CDC42: variants seen among roughly 807,000 people sequenced by gnomAD.
CDC42 encodes cell division cycle 42, also known as cell division control protein 42 homolog.
In CDC42, 1 loss-of-function variant was observed where a neutral mutation model predicts 20.8. The ratio of observed to expected loss-of-function variants is 0.05; its 90% CI spans 0.02 to 0.23. The LOEUF (loss-of-function observed/expected upper bound fraction) is 0.23, where lower values mean the gene tolerates loss of function less well. CDC42 is among the 10% of genes least tolerant of loss of function. CDC42 has a pLI of 1.00. For missense variants in CDC42, 49 were observed against 227.9 expected (o/e 0.21, Z 5.05); for synonymous variants, 72 against 84.8 (o/e 0.85, Z 0.83).
At chr1:22,061,524 G>GTTTC (rs199532474) in intron 1 of CDC42, among the ~76,000 whole-genome samples, 1 of 40,652 alleles carries the variant, frequency 2.5e-5, no homozygotes, top group African/African-American at 8.4e-5. Flanking sequence ...TTAACTTCAT[G>GTTTC]TTTCTTTCTT....
In CDC42 at chr1:22,094,034, T is replaced by C. The variant is rs1018564475; in HGVS notation, c.*2517T>C. Among the ~76,000 whole-genome samples, 5 of 152,244 alleles carry C rather than the reference T, an allele frequency of 3.3e-5. No homozygotes were observed. The highest frequency in any genetic ancestry group is 1.2e-4 in the African/African-American group (5 of 41,470). ...AAATATTTTCAGATTGATTTCTGCA[T>C]GTCAGAAGAACTTGGGTAGCAAGTG... On this transcript the variant is annotated 3_prime_UTR_variant, in exon 6 of 6. Coordinates refer to ENST00000656825, the MANE Select transcript of CDC42 (RefSeq NM_001791.4).
At chr1:22,055,530 C>A (rs1569946656) in intron 1 of CDC42, among the ~76,000 whole-genome samples, 1 of 149,726 alleles carries the variant, frequency 6.7e-6, no homozygotes, top group South Asian at 2.1e-4. Context: ...TACTCTGTCG[C>A]CCAGGCTAGA....
chr1:22,095,134 G>A lies in CDC42; in HGVS notation c.*3617G>A, dbSNP rs1388107592. 6.6e-6 allele frequency among the ~76,000 whole-genome samples: 1 copy of A among 152,152 alleles called. No individual in the cohort carries two copies. The highest frequency in any genetic ancestry group is 1.9e-4 in the East Asian group (1 of 5,196). On this transcript the variant is annotated 3_prime_UTR_variant, in exon 6 of 6. Transcript: ENST00000656825. ...AAGGGCTGATGGTTAGGGCATCTCT[G>A]AATGATTATTGGAGGGAAGTGGCTT...
intron 1 of CDC42, among the ~76,000 whole-genome samples, chr1:22,056,289 A>G (rs961446559): frequency 6.6e-6 from 1 of 152,148 alleles, no homozygotes; most frequent in African/African-American, 2.4e-5. Context: ...ATTTGGGCTC[A>G]TTGAAGTAGT....
intron 3 of CDC42, among the ~76,000 whole-genome samples, chr1:22,083,656 C>G (rs369619446): frequency 1.3e-5 from 2 of 152,050 alleles, no homozygotes; most frequent in African/African-American, 4.8e-5. Flanking sequence ...TTTGCTGACC[C>G]TCCACCATAA....
rs1645739178 is a variant in CDC42, at chr1:22,093,997, T to TA, written c.*2482dup. The stretch of plus-strand genomic sequence containing the variant: ...AAGGATGATGGGGATTGATTGAAGC[T>TA]AATGTTTTCTTAAATATTTTCAGAT... On this transcript the variant is annotated 3_prime_UTR_variant, in exon 6 of 6. Transcript: ENST00000656825. Among the ~76,000 whole-genome samples the TA allele has an allele frequency of 6.6e-6, 1 of 152,238 alleles. No homozygotes were observed. The highest frequency in any genetic ancestry group is 2.4e-5 in the African/African-American group (1 of 41,466).
intron 1 of CDC42, among the ~76,000 whole-genome samples, chr1:22,067,350 G>A (rs1645435830): frequency 1.3e-5 from 2 of 151,822 alleles, no homozygotes; most frequent in African/African-American, 4.8e-5. Context: ...TTTTTTGACG[G>A]TCTCACTCTG....
chr1:22,080,217 A>G (rs1426512387), intron 2 of CDC42, among the ~76,000 whole-genome samples: 1 of 152,242 alleles, frequency 6.6e-6, no homozygotes, highest in Non-Finnish European at 1.5e-5. Flanking sequence ...TAATTACACT[A>G]GCATAAGTAG....
intron 1 of CDC42, among the ~76,000 whole-genome samples, chr1:22,065,339 A>G (rs1272778564): frequency 3.3e-5 from 5 of 152,210 alleles, no homozygotes; most frequent in Admixed American, 2.6e-4. Flanking sequence ...CTTGGCTACA[A>G]ATGTGACACT....
intron 2 of CDC42, among the ~76,000 whole-genome samples, chr1:22,079,161 T>C (rs1645582661): frequency 7.0e-6 from 1 of 142,992 alleles, no homozygotes. Context: ...TTTTTTGAGA[T>C]GGAGTCTCTA....
At chr1:22,084,148 C>T (rs1645635418) in intron 3 of CDC42, among the ~76,000 whole-genome samples, 1 of 152,084 alleles carries the variant, frequency 6.6e-6, no homozygotes, top group Non-Finnish European at 1.5e-5. Flanking sequence ...TATACAGATA[C>T]CTTGTTGACA....
chr1:22,082,963 TC>T (rs1157565650), intron 3 of CDC42, among the ~76,000 whole-genome samples: 19 of 147,294 alleles, frequency 1.3e-4, no homozygotes, highest in Admixed American at 1.4e-4. Context: ...CACCGCAACC[TC>T]CGCCTCCCAG....
chr1:22,085,971 A>G (rs1402515287), intron 3 of CDC42, among the ~76,000 whole-genome samples: 7 of 152,034 alleles, frequency 4.6e-5, no homozygotes, highest in Non-Finnish European at 8.8e-5. Flanking sequence ...TCAGCCTTCC[A>G]AGTAGCTGGG....
chr1:22,056,356 C>T (rs1645304766), intron 1 of CDC42, among the ~76,000 whole-genome samples: 2 of 152,340 alleles, frequency 1.3e-5, no homozygotes, highest in South Asian at 4.1e-4. Flanking sequence ...GTATCTTCTG[C>T]AGCTGCACTG....
chr1:22,054,977 G>T (rs1317832736), intron 1 of CDC42, among the ~76,000 whole-genome samples: 2 of 87,028 alleles, frequency 2.3e-5, no homozygotes, highest in Non-Finnish European at 4.1e-5. Flanking sequence ...TTTTTGAGAA[G>T]GAGTCTCGCT....
At chr1:22,070,154 C>G (rs1427265651) in intron 1 of CDC42, among the ~76,000 whole-genome samples, 1 of 152,148 alleles carries the variant, frequency 6.6e-6, no homozygotes, top group Non-Finnish European at 1.5e-5. Context: ...AGTAGAGATT[C>G]CTCTTCAAAG....
At chr1:22,063,964 C>T (rs1645393154) in intron 1 of CDC42, 1 of 152,184 alleles carries the variant, frequency 6.6e-6, no homozygotes, top group Admixed American at 6.5e-5. Context: ...TTATGATCTT[C>T]CTGCCTTGGC....
chr1:22,053,602 C>A (rs1455192744), intron 1 of CDC42, among the ~76,000 whole-genome samples: 1 of 152,158 alleles, frequency 6.6e-6, no homozygotes, highest in Admixed American at 6.6e-5. Flanking sequence ...TTTTCCTCCC[C>A]TTTAAGTCCA....
At chr1:22,067,355 A>T (rs1379129840) in intron 1 of CDC42, among the ~76,000 whole-genome samples, 1 of 151,572 alleles carries the variant, frequency 6.6e-6, no homozygotes, top group Non-Finnish European at 1.5e-5. Context: ...TGACGGTCTC[A>T]CTCTGTTTCC....
Sources: gnomAD v4.1 joint callset for allele counts (sites outside exome capture counted in the v4.1 genomes callset) on GRCh38, gnomAD v4.1.1 for gene constraint, MANE v1.5 for transcripts, NCBI Gene and HGNC (gene_info 2026-07-23, HGNC 2026-07-21) for gene names.